Variants in CAMK4 observed in about 807,000 individuals in gnomAD.
CAMK4 encodes calcium/calmodulin dependent protein kinase IV.
Under a neutral mutation model 44.9 loss-of-function variants are expected in CAMK4, and 22 were observed. The observed-to-expected ratio is 0.49, with a 90% CI of 0.35 to 0.70. The LOEUF is 0.70. Among genes scored for constraint, CAMK4 ranks in the 30% least tolerant of loss-of-function variants. The pLI is 0.01. For missense variants in CAMK4, 498 were observed against 586.8 expected (o/e 0.85, Z 1.56); for synonymous variants, 218 against 215.4 (o/e 1.01, Z -0.11).
intron 5 of CAMK4, among the ~76,000 whole-genome samples, chr5:111,429,022 T>C (rs1373432434): frequency 6.6e-6 from 1 of 152,182 alleles, no homozygotes; most frequent in African/African-American, 2.4e-5. Context: ...TAGCTATATG[T>C]ACCTACATCA....
chr5:111,491,062 G>A lies in CAMK4; in HGVS notation c.*6596G>A, dbSNP rs1033262242. ...ATGTCAGTCATTCATTTTATCTCTC[G>A]TCTTTGAGATACACACATTAAAACT... On this transcript the variant is annotated 3_prime_UTR_variant, in exon 11 of 11. Coordinates refer to ENST00000282356, the MANE Select transcript of CAMK4 (RefSeq NM_001744.6). 3 of 152,128 alleles carry A rather than the reference G, an allele frequency of 2.0e-5. 1 individual carries two copies. Among genetic ancestry groups the A allele is most frequent in the South Asian group, 4.2e-4 (2 of 4,816 alleles). 9.4% of individuals were successfully genotyped at this position (152,128 alleles called of 1,614,324 possible). A position where few individuals can be genotyped will look rare whatever the true frequency, so the allele number is the denominator to read the frequency against.
chr5:111,387,827 G>A (rs1377368672), intron 4 of CAMK4, among the ~76,000 whole-genome samples: 1 of 152,158 alleles, frequency 6.6e-6, no homozygotes, highest in Non-Finnish European at 1.5e-5. Flanking sequence ...GAAGGTTCTG[G>A]ACAAACACAT....
intron 2 of CAMK4, among the ~76,000 whole-genome samples, chr5:111,358,338 AG>A (rs1750453054): frequency 1.3e-5 from 2 of 152,102 alleles, no homozygotes; most frequent in South Asian, 4.1e-4. Flanking sequence ...TCTTAGTGGT[AG>A]GTGGGATGCA....
At chr5:111,412,809 GT>G (rs1474118188) in intron 5 of CAMK4, among the ~76,000 whole-genome samples, 2 of 152,076 alleles carry the variant, frequency 1.3e-5, no homozygotes, top group Non-Finnish European at 2.9e-5. Context: ...ACACCCAGAA[GT>G]TACCACCTCT....
At chr5:111,380,976 T>A (rs2112835416) in intron 4 of CAMK4, among the ~76,000 whole-genome samples, 1 of 152,312 alleles carries the variant, frequency 6.6e-6, no homozygotes, top group African/African-American at 2.4e-5. Flanking sequence ...CAGGGCATTA[T>A]ACCAGGGCTA....
At chr5:111,400,141 T>TG (rs1295221522) in intron 5 of CAMK4, among the ~76,000 whole-genome samples, 2 of 151,932 alleles carry the variant, frequency 1.3e-5, no homozygotes, top group Non-Finnish European at 2.9e-5. Context: ...TTGTTTTTTT[T>TG]TGTCACTAAG....
intron 5 of CAMK4, among the ~76,000 whole-genome samples, chr5:111,419,368 G>A (rs1752936387): frequency 6.6e-6 from 1 of 152,108 alleles, no homozygotes; most frequent in Admixed American, 6.6e-5. Context: ...AGTAGGTTGT[G>A]AAAATTTTCT....
At chr5:111,389,458 A>G (rs561709680) in intron 4 of CAMK4, among the ~76,000 whole-genome samples, 1 of 152,284 alleles carries the variant, frequency 6.6e-6, no homozygotes, top group African/African-American at 2.4e-5. Context: ...AAATATAGAG[A>G]GGAGATTGTA....
intron 5 of CAMK4, among the ~76,000 whole-genome samples, chr5:111,408,373 C>G (rs1580712938): frequency 6.6e-6 from 1 of 152,306 alleles, no homozygotes; most frequent in Non-Finnish European, 1.5e-5. Context: ...AAAGGCATGT[C>G]TTACATGGTG....
intron 1 of CAMK4, among the ~76,000 whole-genome samples, chr5:111,301,578 G>A (rs1304220634): frequency 6.6e-6 from 1 of 152,136 alleles, no homozygotes; most frequent in Non-Finnish European, 1.5e-5. Flanking sequence ...AGATAGGAAG[G>A]TGAATTTTTC....
At chr5:111,325,863 C>A (rs971529877) in intron 1 of CAMK4, among the ~76,000 whole-genome samples, 2 of 151,914 alleles carry the variant, frequency 1.3e-5, no homozygotes, top group Admixed American at 1.3e-4. Context: ...TGGGATAAAG[C>A]CATGGGATAA....
At chr5:111,283,647 G>A (rs1447423258) in intron 1 of CAMK4, among the ~76,000 whole-genome samples, 1 of 152,172 alleles carries the variant, frequency 6.6e-6, no homozygotes, top group Non-Finnish European at 1.5e-5. Flanking sequence ...ACTCTTAAAT[G>A]GTTTGTTGCA....
At chr5:111,350,915 G>A (rs1750078963) in intron 2 of CAMK4, among the ~76,000 whole-genome samples, 2 of 151,920 alleles carry the variant, frequency 1.3e-5, no homozygotes, top group Non-Finnish European at 2.9e-5. Context: ...GATGTTGCAG[G>A]GCAATCTGAA....
chr5:111,297,597 A>C (rs1747540875), intron 1 of CAMK4, among the ~76,000 whole-genome samples: 1 of 152,196 alleles, frequency 6.6e-6, no homozygotes, highest in Admixed American at 6.5e-5. Context: ...AAATATTACA[A>C]ATCTTGATTA....
At chr5:111,402,072 G>A (rs974273827) in intron 5 of CAMK4, among the ~76,000 whole-genome samples, 1 of 152,236 alleles carries the variant, frequency 6.6e-6, no homozygotes, top group African/African-American at 2.4e-5. Flanking sequence ...GGATGAAAGA[G>A]TGCTTCCAGA....
At chr5:111,369,331 T>C (rs960724081) in intron 2 of CAMK4, among the ~76,000 whole-genome samples, 1 of 152,034 alleles carries the variant, frequency 6.6e-6, no homozygotes, top group African/African-American at 2.4e-5. Flanking sequence ...TCCCAAAGTG[T>C]TGGGATTACA....
chr5:111,293,740 TAC>T (rs1465570364), intron 1 of CAMK4, among the ~76,000 whole-genome samples: 4 of 128,148 alleles, frequency 3.1e-5, no homozygotes, highest in African/African-American at 9.4e-5. Context: ...GCTGCTGCTC[TAC>T]TTTTTTTTTT....
At chr5:111,260,072 G>T (rs1261350961) in intron 1 of CAMK4, among the ~76,000 whole-genome samples, 1 of 152,082 alleles carries the variant, frequency 6.6e-6, no homozygotes, top group African/African-American at 2.4e-5. Context: ...TAGCCGAAAA[G>T]AATTTTGAAA....
chr5:111,305,359 T>A (rs1747885874), intron 1 of CAMK4, among the ~76,000 whole-genome samples: 2 of 23,634 alleles, frequency 8.5e-5, no homozygotes, highest in African/African-American at 1.9e-4. Flanking sequence ...GCAAGACTAA[T>A]AAAGAAAAAA....
Sources: gnomAD v4.1 joint callset for allele counts (sites outside exome capture counted in the v4.1 genomes callset) on GRCh38, gnomAD v4.1.1 for gene constraint, MANE v1.5 for transcripts, NCBI Gene and HGNC (gene_info 2026-07-23, HGNC 2026-07-21) for gene names.